The following MYT1L variants were observed in gnomAD, a reference collection of about 807,000 sequenced individuals.
The protein encoded by MYT1L is myelin transcription factor 1-like protein.
In MYT1L, 12 loss-of-function variants were observed where a neutral mutation model predicts 126.7. That is an observed-to-expected ratio of 0.09 (90% CI 0.06 to 0.15). The LOEUF is 0.15. MYT1L is among the 10% of genes least tolerant of loss of function. MYT1L has a pLI of 1.00. For synonymous variants in MYT1L, 541 were observed against 604.2 expected (o/e 0.90, Z 1.53); for missense variants, 979 against 1,585.2 (o/e 0.62, Z 6.49).
chr2:2,205,727 C>T (rs1382269259), intron 2 of MYT1L, among the ~76,000 whole-genome samples: 5 of 152,122 alleles, frequency 3.3e-5, no homozygotes, highest in African/African-American at 9.7e-5. Flanking sequence ...GGTTGATATC[C>T]ACCTAGAGCA....
intron 3 of MYT1L, among the ~76,000 whole-genome samples, chr2:2,077,082 A>G (rs1489208862): frequency 2.0e-5 from 3 of 152,176 alleles, no homozygotes; most frequent in African/African-American, 4.8e-5. Context: ...GAGAAGCTCA[A>G]TAACAAATTT....
chr2:2,247,100 G>A (rs1572817586), intron 2 of MYT1L, among the ~76,000 whole-genome samples: 1 of 152,144 alleles, frequency 6.6e-6, no homozygotes, highest in East Asian at 1.9e-4. Context: ...GAGAGTGGCT[G>A]AATGGATGGA....
At chr2:1,883,835 A>G (rs1469483969) in intron 18 of MYT1L, 1 of 152,218 alleles carries the variant, frequency 6.6e-6, no homozygotes, top group Admixed American at 6.5e-5. Flanking sequence ...GACACACCAG[A>G]TGGGCTAGGG....
chr2:2,179,073 C>T (rs2091133338), intron 2 of MYT1L, among the ~76,000 whole-genome samples: 1 of 152,094 alleles, frequency 6.6e-6, no homozygotes, highest in Admixed American at 6.5e-5. Flanking sequence ...CTCTGGGAGC[C>T]CTTGAGCATA....
intron 1 of MYT1L, among the ~76,000 whole-genome samples, chr2:2,295,073 T>A (rs1464525415): frequency 2.6e-5 from 4 of 152,122 alleles, no homozygotes; most frequent in African/African-American, 9.7e-5. Flanking sequence ...AGATGCTGGA[T>A]GGTGTGAAAT....
chr2:2,299,740 T>C (rs2095754835), intron 1 of MYT1L, among the ~76,000 whole-genome samples: 1 of 152,204 alleles, frequency 6.6e-6, no homozygotes, highest in South Asian at 2.1e-4. Flanking sequence ...TCCTTAAAAA[T>C]GACAGTGAGA....
At chr2:1,997,727 A>G (rs2061991968) in intron 4 of MYT1L, among the ~76,000 whole-genome samples, 1 of 152,130 alleles carries the variant, frequency 6.6e-6, no homozygotes, top group Admixed American at 6.5e-5. Context: ...GGGTAGACTC[A>G]GCCCGTGTGG....
intron 8 of MYT1L, among the ~76,000 whole-genome samples, chr2:1,949,194 C>T (rs1211013170): frequency 1.3e-5 from 2 of 152,226 alleles, no homozygotes; most frequent in Non-Finnish European, 2.9e-5. Flanking sequence ...GCTGTCTTAT[C>T]CTTGGACTTC....
intron 3 of MYT1L, among the ~76,000 whole-genome samples, chr2:2,148,439 C>A (rs1300876956): frequency 6.6e-6 from 1 of 152,232 alleles, no homozygotes; most frequent in African/African-American, 2.4e-5. Flanking sequence ...TGCAATGCCA[C>A]TGGCCTGCCA....
intron 4 of MYT1L, among the ~76,000 whole-genome samples, chr2:2,028,217 G>A (rs941747963): frequency 6.6e-6 from 1 of 152,236 alleles, no homozygotes; most frequent in African/African-American, 2.4e-5. Flanking sequence ...TGCCAGCACC[G>A]ATCAGCTTGG....
intron 5 of MYT1L, among the ~76,000 whole-genome samples, chr2:1,986,077 C>T (rs192155247): frequency 7.0e-4 from 106 of 152,308 alleles, no homozygotes; most frequent in Middle Eastern, 3.4e-3. Flanking sequence ...GACGTCCTGA[C>T]GGAAAAGTGC....
intron 2 of MYT1L, among the ~76,000 whole-genome samples, chr2:2,229,277 C>A (rs2094102213): frequency 6.6e-6 from 1 of 152,100 alleles, no homozygotes; most frequent in Non-Finnish European, 1.5e-5. Context: ...TAAAAAAGCA[C>A]AGGATCCCTA....
intron 13 of MYT1L, among the ~76,000 whole-genome samples, chr2:1,909,161 C>CT (rs1345305236): frequency 2.0e-5 from 3 of 152,126 alleles, no homozygotes; most frequent in Non-Finnish European, 4.4e-5. Flanking sequence ...GCTCTGTCAT[C>CT]TAGGCTAGAG....
intron 10 of MYT1L, among the ~76,000 whole-genome samples, chr2:1,920,195 C>T (rs936530492): frequency 6.6e-6 from 1 of 152,200 alleles, no homozygotes; most frequent in Non-Finnish European, 1.5e-5. Context: ...GCAACCTTTC[C>T]TCCCAAGAGG....
Position 2,224,062 on chromosome 2 carries a change from C to T in MYT1L, c.-420-51074G>A, listed in dbSNP as rs1173411696. ...AAGGTGTCCATCTAAATGCAAGGCT[C>T]ATCTAAGCATCTGAAAGACAAAATA... On this transcript the variant is annotated intron_variant, in intron 2 of 24. Transcript: ENST00000647738. The surrounding 1 kb of genome is among the most constrained non-coding windows in gnomAD (Gnocchi z 4.0). 6.6e-6 allele frequency among the ~76,000 whole-genome samples: 1 copy of T among 152,176 alleles called. No homozygotes were observed. The highest frequency in any genetic ancestry group is 1.5e-5 in the Non-Finnish European group (1 of 68,024).
At chr2:2,112,255 C>T (rs1057101604) in intron 3 of MYT1L, among the ~76,000 whole-genome samples, 10 of 152,016 alleles carry the variant, frequency 6.6e-5, no homozygotes, top group Admixed American at 3.3e-4. Context: ...CTTCTGTGAC[C>T]AAAATTTCAA....
At chr2:1,854,127 G>T (rs895253824) in intron 18 of MYT1L, among the ~76,000 whole-genome samples, 1 of 152,028 alleles carries the variant, frequency 6.6e-6, no homozygotes, top group Admixed American at 6.6e-5. Flanking sequence ...AAATTTGGGA[G>T]GGTAGAATAA....
chr2:2,276,329 T>A (rs1354337122), intron 2 of MYT1L, among the ~76,000 whole-genome samples: 6 of 152,204 alleles, frequency 3.9e-5, no homozygotes. Context: ...ACCAGGACCA[T>A]GACAGCTTGT....
intron 3 of MYT1L, among the ~76,000 whole-genome samples, chr2:2,158,104 C>T (rs2087025650): frequency 6.6e-6 from 1 of 152,054 alleles, no homozygotes; most frequent in Admixed American, 6.5e-5. Context: ...CTCATTTCAT[C>T]TGCCTTTGTC....
Sources: gnomAD v4.1 joint callset for allele counts (sites outside exome capture counted in the v4.1 genomes callset) on GRCh38, gnomAD v4.1.1 for gene constraint, Gnocchi (gnomAD v3.1) non-coding constraint, MANE v1.5 for transcripts, NCBI Gene and HGNC (gene_info 2026-07-23, HGNC 2026-07-21) for gene names.